Variants in DLG5 observed in about 807,000 individuals in gnomAD.
DLG5 encodes discs large MAGUK scaffold protein 5.
In DLG5, 48 loss-of-function variants were observed where a neutral mutation model predicts 189.8. The ratio of observed to expected loss-of-function variants is 0.25; its 90% CI spans 0.20 to 0.32. DLG5 has a LOEUF of 0.32. Among genes scored for constraint, DLG5 ranks in the 10% least tolerant of loss-of-function variants. The pLI is 1.00. For missense variants in DLG5, 2,160 were observed against 2,544.7 expected, an observed-to-expected ratio of 0.85 and a Z score of 3.25; for synonymous variants, 1,016 against 1,054.1, an observed-to-expected ratio of 0.96 and a Z score of 0.70.
At chr10:77,862,363 G>C (rs1480247892) in intron 2 of DLG5, among the ~76,000 whole-genome samples, 2 of 152,160 alleles carry the variant, frequency 1.3e-5, no homozygotes, top group Non-Finnish European at 2.9e-5. Flanking sequence ...GTATGCAATA[G>C]ACCTGCAAGC....
intron 18 of DLG5, among the ~76,000 whole-genome samples, 200 bp downstream of exon 18, chr10:77,817,577 G>A (rs369250343): frequency 6.6e-6 from 1 of 152,358 alleles, no homozygotes; most frequent in South Asian, 2.1e-4. Flanking sequence ...AGCGGAAGGC[G>A]AAAGCAATGG....
chr10:77,829,587 C>T (rs887449507), intron 11 of DLG5, 57 bp from the exon 12 acceptor site: 51 of 1,530,450 alleles, frequency 3.3e-5, no homozygotes, highest in South Asian at 6.4e-5. Flanking sequence ...CAGCGGCTAC[C>T]GCCCACAACT....
chr10:77,915,751 C>T (rs369363255), intron 1 of DLG5, among the ~76,000 whole-genome samples: 195 of 152,322 alleles, frequency 1.3e-3, no homozygotes, highest in Middle Eastern at 6.8e-3. Flanking sequence ...GCCTTGTTAT[C>T]CCGGATTTGA....
At chr10:77,822,798 C>T (rs1313131381) in intron 14 of DLG5, among the ~76,000 whole-genome samples, 7 of 152,048 alleles carry the variant, frequency 4.6e-5, no homozygotes, top group Non-Finnish European at 1.0e-4. Flanking sequence ...CGTGCAGGAA[C>T]CTTAAGTGTA....
intron 5 of DLG5, among the ~76,000 whole-genome samples, chr10:77,844,461 A>G (rs575528501): frequency 1.3e-5 from 2 of 152,336 alleles, no homozygotes; most frequent in African/African-American, 4.8e-5. Context: ...TCCTCCCAGA[A>G]AGTGACATAG....
intron 13 of DLG5, among the ~76,000 whole-genome samples, chr10:77,826,666 G>C (rs1444545882): frequency 6.6e-6 from 1 of 151,846 alleles, no homozygotes; most frequent in Non-Finnish European, 1.5e-5. Context: ...GCTAAAATCT[G>C]GCTGGGCGTG....
Position 77,827,075 on chromosome 10 carries a change from A to C in DLG5, c.2289+1807T>G, listed in dbSNP as rs1842674018. Among the ~76,000 whole-genome samples the C allele has an allele frequency of 2.6e-5, 4 of 152,216 alleles. No homozygotes were observed. The South Asian group carries it at 8.3e-4, about 32-fold the overall frequency. On this transcript the variant is annotated intron_variant, in intron 13 of 31. Coordinates refer to ENST00000372391, the MANE Select transcript of DLG5 (RefSeq NM_004747.4). The stretch of plus-strand genomic sequence containing the variant: ...CATGTTTTGAAAGTGTCTGGGACAT[A>C]ATATAATAAATTGTTAACAGTGATT...
chr10:77,815,903 G>A (rs1169121921), intron 20 of DLG5: 7 of 361,494 alleles, frequency 1.9e-5, no homozygotes, highest in Middle Eastern at 1.0e-3. Context: ...CACAGTGCGC[G>A]GGGGTGACGG....
At chr10:77,939,401 ACGGGTGTAG>A in the DLG5 span, among the ~76,000 whole-genome samples, 10 of 152,228 alleles carry the variant, frequency 6.6e-5, no homozygotes, top group East Asian at 1.9e-3. Flanking sequence ...GCTAGAAGAG[ACGGGTGTAG>A]CTTGGGAATT....
intron 2 of DLG5, among the ~76,000 whole-genome samples, chr10:77,865,502 T>C (rs76795641): frequency 1.2e-4 from 19 of 152,344 alleles, no homozygotes; most frequent in Non-Finnish European, 2.5e-4. Flanking sequence ...TCTTCTGCTA[T>C]TTCAATCTTC....
intron 5 of DLG5, among the ~76,000 whole-genome samples, chr10:77,852,011 G>A (rs1453855172): frequency 6.6e-6 from 1 of 152,184 alleles, no homozygotes; most frequent in Non-Finnish European, 1.5e-5. Context: ...ATGGGAACAG[G>A]ATGGGGGACT....
chr10:77,895,713 T>A (rs530576740), intron 1 of DLG5, among the ~76,000 whole-genome samples: 14 of 152,274 alleles, frequency 9.2e-5, no homozygotes, highest in South Asian at 4.1e-4. Flanking sequence ...CCTGGGGATA[T>A]CAGTAGTCAG....
At position 77,926,263 on chromosome 10, in the gene DLG5, G is replaced by C. The variant is rs1199653055; in HGVS notation, c.258C>G (p.Leu86=). The change falls in exon 1 of 32, where the codon CTC becomes CTG. Residue 86 remains leucine (L), a synonymous_variant. Coordinates refer to ENST00000372391, the MANE Select transcript of DLG5 (RefSeq NM_004747.4). This position sits in a 1 kb window ranked among gnomAD's most constrained non-coding sequence, Gnocchi z 5.2. The part of the protein sequence containing the change: ...EKTQPHLLPI[L]YLNGVVGPPQ... ...GCGGCCCGACGACGCCGTTCAGGTA[G>C]AGAATGGGCAGCAGGTGAGGCTGCG... 1 of 1,571,878 alleles carries C rather than the reference G, an allele frequency of 6.4e-7. No homozygotes were observed. Among genetic ancestry groups the C allele is most frequent in the Non-Finnish European group, 8.6e-7 (1 of 1,161,032 alleles).
In DLG5 at chr10:77,834,016, C is replaced by A. The variant is rs758511394; in HGVS notation, c.1646G>T (p.Arg549Leu). ...CTCGCTCACCGCACGGTCCCGCTCC[C>A]GCCTCAGGTTGTCACACAGTGTCCT... ...SIRTLCDNLR[R>L]ERDRAVSELA... The change falls in exon 9 of 32, where the codon CGG becomes CTG. Residue 549 changes from arginine (R) to leucine (L), a missense_variant. Arg to Leu is a moderately radical substitution (Grantham distance 102). Around this residue, in one of 5 missense-constraint regions of DLG5, gnomAD observed 664 missense variants for 838.5 expected, o/e 0.79. Coordinates refer to ENST00000372391, the MANE Select transcript of DLG5 (RefSeq NM_004747.4). 1 of 1,609,548 alleles carries A rather than the reference C, an allele frequency of 6.2e-7. No individual in the cohort carries two copies. The highest frequency in any genetic ancestry group is 8.5e-7 in the Non-Finnish European group (1 of 1,179,828).
intron 1 of DLG5, among the ~76,000 whole-genome samples, chr10:77,901,531 T>C (rs1845926595): frequency 6.6e-6 from 1 of 152,214 alleles, no homozygotes. Context: ...GAGGAAAGAC[T>C]GCTGCATCGC....
At chr10:77,918,435 T>C (rs971942975) in intron 1 of DLG5, among the ~76,000 whole-genome samples, 17 of 151,472 alleles carry the variant, frequency 1.1e-4, no homozygotes, top group Admixed American at 6.6e-5. Context: ...GTTCAAATGG[T>C]AAATTTCATG....
At chr10:77,914,931 G>C (rs559150744) in intron 1 of DLG5, among the ~76,000 whole-genome samples, 1 of 152,252 alleles carries the variant, frequency 6.6e-6, no homozygotes, top group South Asian at 2.1e-4. Flanking sequence ...CTTCATTCTT[G>C]GCGAACTCCA....
At chr10:77,795,785 C>G (rs1840884716) in intron 29 of DLG5, among the ~76,000 whole-genome samples, 1 of 152,190 alleles carries the variant, frequency 6.6e-6, no homozygotes, top group South Asian at 2.1e-4. Context: ...GCTCAATACT[C>G]TCATCAGAGA....
intron 5 of DLG5, among the ~76,000 whole-genome samples, chr10:77,846,421 G>A (rs781203132): frequency 6.0e-5 from 9 of 150,436 alleles, no homozygotes; most frequent in South Asian, 2.1e-4. Flanking sequence ...ACTTCAGGCC[G>A]GGCGCAGTGG....
Sources: gnomAD v4.1 joint callset for allele counts (sites outside exome capture counted in the v4.1 genomes callset) on GRCh38, gnomAD v4.1.1 for gene constraint, gnomAD v4.1.1 regional missense constraint, Gnocchi (gnomAD v3.1) non-coding constraint, MANE v1.5 for transcripts, NCBI Gene and HGNC (gene_info 2026-07-23, HGNC 2026-07-21) for gene names.